The following PTPRC variants were observed in gnomAD, a reference collection of about 807,000 sequenced individuals.
PTPRC encodes protein tyrosine phosphatase receptor type C, also known as receptor-type tyrosine-protein phosphatase C.
PTPRC carries 44 observed loss-of-function variants against 155.9 expected under a neutral mutation model. The ratio of observed to expected loss-of-function variants is 0.28; its 90% CI spans 0.22 to 0.36. PTPRC has a LOEUF of 0.36. PTPRC is among the 10% of genes least tolerant of loss of function. PTPRC has a pLI of 1.00. For missense variants in PTPRC, 1,401 were observed against 1,564.6 expected (o/e 0.90, Z 1.76); for synonymous variants, 525 against 533.1 (o/e 0.98, Z 0.21).
At chr1:198,661,165 A>T (rs1663939974) in intron 2 of PTPRC, among the ~76,000 whole-genome samples, 2 of 152,122 alleles carry the variant, frequency 1.3e-5, no homozygotes, top group Non-Finnish European at 2.9e-5. Flanking sequence ...AATGTTTCTC[A>T]TGCCTTTTAG....
At chr1:198,658,088 A>T (rs982243619) in intron 2 of PTPRC, among the ~76,000 whole-genome samples, 1 of 152,162 alleles carries the variant, frequency 6.6e-6, no homozygotes, top group Non-Finnish European at 1.5e-5. Context: ...GGTCTGTCTC[A>T]TTGGAATACC....
At chr1:198,752,047 A>C (rs1388397872) in intron 29 of PTPRC, among the ~76,000 whole-genome samples, 1 of 152,066 alleles carries the variant, frequency 6.6e-6, no homozygotes, top group Non-Finnish European at 1.5e-5. Flanking sequence ...TTACACAAGG[A>C]AACACCACAT....
chr1:198,755,583 T>TTAAA (rs1655605689), intron 32 of PTPRC, among the ~76,000 whole-genome samples: 1 of 152,056 alleles, frequency 6.6e-6, no homozygotes, highest in South Asian at 2.1e-4. Context: ...GCCCTGATTC[T>TTAAA]TAAATAATGT....
intron 2 of PTPRC, among the ~76,000 whole-genome samples, chr1:198,639,552 A>C (rs1218217280): frequency 6.6e-6 from 1 of 152,082 alleles, no homozygotes; most frequent in East Asian, 1.9e-4. Flanking sequence ...TCGGGACAAA[A>C]AATACAATTT....
chr1:198,730,038 G>A (rs1311619838), intron 17 of PTPRC, among the ~76,000 whole-genome samples: 1 of 152,082 alleles, frequency 6.6e-6, no homozygotes, highest in Admixed American at 6.6e-5. Context: ...CTTGGGAGAA[G>A]AAAACACATT....
intron 23 of PTPRC, among the ~76,000 whole-genome samples, 160 bp from the exon 24 acceptor site, chr1:198,741,709 G>T (rs1042091766): frequency 5.3e-5 from 8 of 151,702 alleles, no homozygotes; most frequent in African/African-American, 1.9e-4. Flanking sequence ...ACACAACCAT[G>T]GTTGAGAAAA....
chr1:198,665,555 G>C (rs1480387987), intron 2 of PTPRC, among the ~76,000 whole-genome samples: 1 of 152,070 alleles, frequency 6.6e-6, no homozygotes, highest in Non-Finnish European at 1.5e-5. Flanking sequence ...GGTCCCCGTG[G>C]TTGTCTGACC....
chr1:198,703,689 A>G (rs1666585783), intron 7 of PTPRC: 2 of 407,228 alleles, frequency 4.9e-6, no homozygotes, highest in South Asian at 2.7e-5. Context: ...GGGGCTGTCC[A>G]TTGCAAGTGG....
intron 2 of PTPRC, among the ~76,000 whole-genome samples, chr1:198,664,196 G>T (rs1438482218): frequency 6.6e-6 from 1 of 152,110 alleles, no homozygotes; most frequent in African/African-American, 2.4e-5. Flanking sequence ...TCTGGAAGGC[G>T]GTGCCTGTGG....
At chr1:198,734,538 T>C in intron 22 of PTPRC, 113 bp downstream of exon 22, 1 of 930,740 alleles carries the variant, frequency 1.1e-6, no homozygotes, top group Non-Finnish European at 1.8e-6. Flanking sequence ...GAGAGTTCTC[T>C]ATTTTAATCA....
chr1:198,726,957 G>A (rs1313727084), intron 15 of PTPRC, among the ~76,000 whole-genome samples: 5 of 149,526 alleles, frequency 3.3e-5, no homozygotes, highest in South Asian at 4.2e-4. Context: ...CTGCCTCCTC[G>A]GTTCAAGTGA....
At chr1:198,721,701 A>G (rs1653895078) in intron 14 of PTPRC, among the ~76,000 whole-genome samples, 2 of 152,068 alleles carry the variant, frequency 1.3e-5, no homozygotes, top group African/African-American at 2.4e-5. Context: ...TTACAGCTCT[A>G]TGTGTGATAT....
chr1:198,660,013 T>A (rs1171269492), intron 2 of PTPRC, among the ~76,000 whole-genome samples: 6 of 122,202 alleles, frequency 4.9e-5, no homozygotes, highest in South Asian at 2.7e-4. Context: ...ATAGATATAT[T>A]TGTCCATATA....
Position 198,648,463 on chromosome 1 carries a change from A to G in PTPRC, c.73+9122A>G, listed in dbSNP as rs193172473. Reference sequence around the variant, plus strand: ...TCTAGATTTTCCACTCGGTTACTCAATCTTCTTAGTGGTCAGTTTAATAAC... The same window carrying G: ...TCTAGATTTTCCACTCGGTTACTCAGTCTTCTTAGTGGTCAGTTTAATAAC... On this transcript the variant is annotated intron_variant, in intron 2 of 32. Coordinates refer to ENST00000442510, the MANE Select transcript of PTPRC (RefSeq NM_002838.5). Among the ~76,000 whole-genome samples, 61 of 151,862 alleles carry G rather than the reference A, an allele frequency of 4.0e-4. No homozygotes were observed. In the South Asian group the frequency reaches 5.0e-3, roughly 12 times the overall value.
chr1:198,699,561 T>C lies in PTPRC; in HGVS notation c.299-3T>C. The C allele has an allele frequency of 6.2e-7, 1 of 1,614,188 alleles. No homozygotes were observed. The highest frequency in any genetic ancestry group is 8.5e-7 in the Non-Finnish European group (1 of 1,180,026). On this transcript the variant is annotated splice_region_variant and splice_polypyrimidine_tract_variant and intron_variant, in intron 4 of 32. Transcript: ENST00000442510. ...ATGTAATGATCTCACTTTCCTACCT[T>C]AGGTGTTTCATCAGTACAGACGCCT...
chr1:198,674,578 CATA>C (rs1031356450), intron 2 of PTPRC, among the ~76,000 whole-genome samples: 7 of 148,532 alleles, frequency 4.7e-5, no homozygotes, highest in Non-Finnish European at 7.4e-5. Flanking sequence ...ATAATTATAA[CATA>C]ATAACTGGGG....
chr1:198,638,988 C>T, upstream of PTPRC: 1 of 399,344 alleles, frequency 2.5e-6, no homozygotes, highest in Non-Finnish European at 4.6e-6. Flanking sequence ...TTTTGACTTC[C>T]TGCAAAGAGG....
chr1:198,730,251 T>C (rs1375815606), intron 17 of PTPRC, among the ~76,000 whole-genome samples: 2 of 152,124 alleles, frequency 1.3e-5, no homozygotes, highest in East Asian at 1.9e-4. Context: ...CCTCTGGTAA[T>C]AGCAGGTACC....
At chr1:198,667,188 T>C (rs1341163911) in intron 2 of PTPRC, 3 of 152,208 alleles carry the variant, frequency 2.0e-5, no homozygotes, top group African/African-American at 7.2e-5. Flanking sequence ...GATGGAAACC[T>C]TCCCCAGAAG....
Sources: gnomAD v4.1 joint callset for allele counts (sites outside exome capture counted in the v4.1 genomes callset) on GRCh38, gnomAD v4.1.1 for gene constraint, MANE v1.5 for transcripts, NCBI Gene and HGNC (gene_info 2026-07-23, HGNC 2026-07-21) for gene names.